The following PHACTR3 variants were observed in gnomAD, a reference collection of about 807,000 sequenced individuals.
The protein encoded by PHACTR3 is phosphatase and actin regulator 3.
PHACTR3 carries 16 observed loss-of-function variants against 66.8 expected under a neutral mutation model. The observed-to-expected ratio is 0.24, with a 90% CI of 0.16 to 0.36. PHACTR3 has a LOEUF of 0.36. Ranked by LOEUF, PHACTR3 falls within the 10% of genes least tolerant of loss-of-function variation. PHACTR3 has a pLI of 1.00. For synonymous variants in PHACTR3, 323 were observed against 292.1 expected, an observed-to-expected ratio of 1.11 and a Z score of -1.08; for missense variants, 647 against 719.9, an observed-to-expected ratio of 0.90 and a Z score of 1.16.
At chr20:59,802,570 G>A (rs1413940591) in intron 7 of PHACTR3, among the ~76,000 whole-genome samples, 1 of 152,168 alleles carries the variant, frequency 6.6e-6, no homozygotes, top group Non-Finnish European at 1.5e-5. Flanking sequence ...ATGAGACCGG[G>A]GCTAGGGGAA....
intron 4 of PHACTR3, among the ~76,000 whole-genome samples, chr20:59,763,124 G>C (rs1017724160): frequency 7.2e-5 from 11 of 152,194 alleles, no homozygotes; most frequent in African/African-American, 2.4e-4. Flanking sequence ...TCACAGGGGG[G>C]CAGTTTCCTC....
At chr20:59,700,204 G>A (rs144737380) in intron 1 of PHACTR3, among the ~76,000 whole-genome samples, 1 of 152,314 alleles carries the variant, frequency 6.6e-6, no homozygotes, top group South Asian at 2.1e-4. Context: ...TCATGGAGAT[G>A]GATGTTGGTC....
intron 1 of PHACTR3, among the ~76,000 whole-genome samples, chr20:59,597,430 A>G (rs1463153500): frequency 6.6e-6 from 1 of 152,144 alleles, no homozygotes. Flanking sequence ...GAGTTGGGGT[A>G]TATATGATGC....
chr20:59,815,736 T>A (rs1376336126), intron 8 of PHACTR3, among the ~76,000 whole-genome samples: 1 of 152,196 alleles, frequency 6.6e-6, no homozygotes, highest in Non-Finnish European at 1.5e-5. Context: ...GTTTCCTGTT[T>A]TATAGTGAAC....
intron 1 of PHACTR3, among the ~76,000 whole-genome samples, chr20:59,696,555 A>T (rs535123589): frequency 6.6e-6 from 1 of 152,030 alleles, no homozygotes; most frequent in Non-Finnish European, 1.5e-5. Flanking sequence ...TCTCGTTGGG[A>T]TGCTCTTCAC....
At chr20:59,587,003 A>T (rs569544216) in intron 1 of PHACTR3, among the ~76,000 whole-genome samples, 23 of 152,334 alleles carry the variant, frequency 1.5e-4, no homozygotes, top group South Asian at 1.2e-3. Context: ...CAGCAGGTCA[A>T]TGCTTGTTGT....
intron 1 of PHACTR3, among the ~76,000 whole-genome samples, chr20:59,681,201 T>A (rs955006448): frequency 1.3e-5 from 2 of 152,206 alleles, no homozygotes; most frequent in Non-Finnish European, 2.9e-5. Flanking sequence ...TCTGGCCTGT[T>A]GCAGAAAAAA....
chr20:59,721,712 G>T (rs192428302), intron 1 of PHACTR3, among the ~76,000 whole-genome samples: 4 of 152,154 alleles, frequency 2.6e-5, no homozygotes, highest in African/African-American at 7.2e-5. Flanking sequence ...ACCAGATTGC[G>T]TGGGGAGGAT....
At chr20:59,686,177 C>T (rs955327733) in intron 1 of PHACTR3, among the ~76,000 whole-genome samples, 2 of 152,124 alleles carry the variant, frequency 1.3e-5, no homozygotes, top group African/African-American at 4.8e-5. Flanking sequence ...GTTCCTAGGA[C>T]ACAGCATTTT....
At chr20:59,775,053 C>T (rs1263916010) in intron 7 of PHACTR3, among the ~76,000 whole-genome samples, 2 of 148,674 alleles carry the variant, frequency 1.3e-5, no homozygotes, top group Non-Finnish European at 3.0e-5. Flanking sequence ...CCTTGGAAGC[C>T]AGCTCCGTAT....
chr20:59,589,038 T>C (rs2033116962), intron 1 of PHACTR3, among the ~76,000 whole-genome samples: 1 of 152,222 alleles, frequency 6.6e-6, no homozygotes, highest in Non-Finnish European at 1.5e-5. Context: ...GCTCCCTTTA[T>C]GCCACAGTGT....
intron 1 of PHACTR3, among the ~76,000 whole-genome samples, chr20:59,714,278 A>G (rs1220294772): frequency 2.6e-5 from 4 of 152,180 alleles, no homozygotes; most frequent in East Asian, 1.9e-4. Context: ...GTATTTGCCT[A>G]CCCACAAACC....
chr20:59,846,705 C>T (rs528556307), intron 12 of PHACTR3, among the ~76,000 whole-genome samples: 16 of 152,038 alleles, frequency 1.1e-4, no homozygotes, highest in African/African-American at 2.2e-4. Context: ...AGAGTCAGAA[C>T]GGTATTTTTG....
intron 8 of PHACTR3, among the ~76,000 whole-genome samples, chr20:59,831,201 A>C (rs921765336): frequency 1.3e-5 from 2 of 152,138 alleles, no homozygotes; most frequent in African/African-American, 4.8e-5. Context: ...TCACATCCAC[A>C]CTTGAACATA....
chr20:59,711,026 T>C (rs6027054), intron 1 of PHACTR3, among the ~76,000 whole-genome samples: 26,287 of 152,198 alleles, frequency 0.17, 5,452 homozygotes, highest in African/African-American at 0.49. Flanking sequence ...TTGCATATTT[T>C]CATTCATCTT....
chr20:59,595,891 TCTTTA>T (rs1436329244), intron 1 of PHACTR3, among the ~76,000 whole-genome samples: 2 of 152,198 alleles, frequency 1.3e-5, no homozygotes, highest in African/African-American at 2.4e-5. Flanking sequence ...CTGCCTTTCT[TCTTTA>T]CTTTTATTTT....
intron 8 of PHACTR3, among the ~76,000 whole-genome samples, chr20:59,822,402 G>A (rs778284208): frequency 6.7e-6 from 1 of 150,244 alleles, no homozygotes; most frequent in Non-Finnish European, 1.5e-5. Flanking sequence ...GCTGCCTTCC[G>A]AAGCTTCCAT....
chr20:59,651,841 G>C (rs2146451934), intron 1 of PHACTR3, among the ~76,000 whole-genome samples: 1 of 134,318 alleles, frequency 7.4e-6, no homozygotes, highest in Admixed American at 7.7e-5. Flanking sequence ...AGGTAGGTAG[G>C]TAGGTAGGTA....
At chr20:59,725,831 A>ACAGAGAGG (rs1367853345) in intron 1 of PHACTR3, among the ~76,000 whole-genome samples, 1 of 152,054 alleles carries the variant, frequency 6.6e-6, no homozygotes. Context: ...GTGCAGGAGG[A>ACAGAGAGG]CAGAGAGGCT....
Sources: gnomAD v4.1 joint callset for allele counts (sites outside exome capture counted in the v4.1 genomes callset) on GRCh38, gnomAD v4.1.1 for gene constraint, MANE v1.5 for transcripts, NCBI Gene and HGNC (gene_info 2026-07-23, HGNC 2026-07-21) for gene names.